TAFA1: variants seen among roughly 807,000 people sequenced by gnomAD.
The protein encoded by TAFA1 is TAFA chemokine like family member 1.
In TAFA1, 4 loss-of-function variants were observed where a neutral mutation model predicts 18.5. That is an observed-to-expected ratio of 0.22 (90% CI 0.11 to 0.49). The LOEUF (loss-of-function observed/expected upper bound fraction) is 0.49. TAFA1 is among the 20% of genes least tolerant of loss of function. The pLI, the probability that TAFA1 is intolerant of heterozygous loss-of-function variation, is 0.98. For missense variants in TAFA1, 147 were observed against 169.0 expected, an observed-to-expected ratio of 0.87 and a Z score of 0.72; for synonymous variants, 56 against 55.2, an observed-to-expected ratio of 1.01 and a Z score of -0.06.
At chr3:68,039,327 A>G (rs1008224468) in intron 2 of TAFA1, among the ~76,000 whole-genome samples, 25 of 152,198 alleles carry the variant, frequency 1.6e-4, no homozygotes, top group Non-Finnish European at 3.4e-4. Flanking sequence ...AGAATAATAC[A>G]TGAATATAAT....
chr3:68,075,722 G>C (rs2064815376), intron 2 of TAFA1, among the ~76,000 whole-genome samples: 2 of 147,374 alleles, frequency 1.4e-5, no homozygotes, highest in South Asian at 2.1e-4. Context: ...TTTTGGACAA[G>C]GTTTTGCTCT....
At chr3:68,349,711 GA>G (rs1332448953) in intron 2 of TAFA1, among the ~76,000 whole-genome samples, 1 of 152,088 alleles carries the variant, frequency 6.6e-6, no homozygotes, top group Non-Finnish European at 1.5e-5. Flanking sequence ...ATATGCAAAT[GA>G]ATGGGGGTGT....
intron 3 of TAFA1, among the ~76,000 whole-genome samples, chr3:68,531,016 C>CAACAG (rs1553700688): frequency 6.8e-6 from 1 of 147,518 alleles, no homozygotes; most frequent in Non-Finnish European, 1.5e-5. Flanking sequence ...TTAACAACAA[C>CAACAG]AACAAAACAA....
At chr3:68,406,469 A>T (rs765248358) in intron 2 of TAFA1, among the ~76,000 whole-genome samples, 2 of 152,212 alleles carry the variant, frequency 1.3e-5, no homozygotes, top group Non-Finnish European at 2.9e-5. Context: ...TAATCACAGT[A>T]GAATACAACT....
intron 3 of TAFA1, among the ~76,000 whole-genome samples, chr3:68,502,191 AG>A (rs1474668787): frequency 6.6e-6 from 1 of 152,192 alleles, no homozygotes; most frequent in East Asian, 1.9e-4. Context: ...GTTGCTTCAT[AG>A]CAAGGGCATC....
At chr3:68,385,126 C>G (rs996326191) in intron 2 of TAFA1, among the ~76,000 whole-genome samples, 4 of 152,142 alleles carry the variant, frequency 2.6e-5, no homozygotes, top group African/African-American at 9.6e-5. Context: ...CCTCGCACTC[C>G]TCATCTGTTA....
At chr3:68,083,059 G>A (rs2064924682) in intron 2 of TAFA1, among the ~76,000 whole-genome samples, 1 of 152,164 alleles carries the variant, frequency 6.6e-6, no homozygotes, top group African/African-American at 2.4e-5. Flanking sequence ...GAAGATCACA[G>A]CCTTCCATTT....
intron 2 of TAFA1, among the ~76,000 whole-genome samples, chr3:68,038,675 A>C (rs958972709): frequency 6.6e-6 from 1 of 152,204 alleles, no homozygotes; most frequent in Non-Finnish European, 1.5e-5. Context: ...TGTTAAAAAA[A>C]AAAAACTTTA....
At chr3:68,016,999 T>G (rs1704582943) in intron 2 of TAFA1, among the ~76,000 whole-genome samples, 1 of 152,232 alleles carries the variant, frequency 6.6e-6, no homozygotes, top group Non-Finnish European at 1.5e-5. Context: ...CTGAGTGTGC[T>G]GTGGTCAAGG....
At chr3:68,009,054 G>C (rs1704420648) in intron 2 of TAFA1, among the ~76,000 whole-genome samples, 1 of 152,192 alleles carries the variant, frequency 6.6e-6, no homozygotes, top group South Asian at 2.1e-4. Context: ...CCACAAGCCA[G>C]GGATGTTTGA....
chr3:68,237,800 A>G (rs1017029326), intron 2 of TAFA1, among the ~76,000 whole-genome samples: 1 of 152,200 alleles, frequency 6.6e-6, no homozygotes, highest in Non-Finnish European at 1.5e-5. Flanking sequence ...TTGGGATAGA[A>G]AGTTGCATAT....
chr3:68,144,164 G>C (rs1020822517), intron 2 of TAFA1, among the ~76,000 whole-genome samples: 4 of 152,314 alleles, frequency 2.6e-5, no homozygotes, highest in Middle Eastern at 3.4e-3. Context: ...ATCTGCTAAA[G>C]TGTGAAAAAT....
chr3:68,349,992 G>A (rs769031355), intron 2 of TAFA1, among the ~76,000 whole-genome samples: 1 of 152,066 alleles, frequency 6.6e-6, no homozygotes, highest in Non-Finnish European at 1.5e-5. Flanking sequence ...TACTTCAGTC[G>A]TTAGCAGTAT....
At chr3:68,473,382 C>T (rs746906383) in intron 3 of TAFA1, among the ~76,000 whole-genome samples, 47 of 152,100 alleles carry the variant, frequency 3.1e-4, no homozygotes, top group Non-Finnish European at 6.9e-4. Flanking sequence ...ACAGACAATC[C>T]ACAACAGATA....
At chr3:68,147,115 G>A (rs952491104) in intron 2 of TAFA1, among the ~76,000 whole-genome samples, 4 of 151,680 alleles carry the variant, frequency 2.6e-5, no homozygotes, top group African/African-American at 9.7e-5. Flanking sequence ...TCTAGCTGGG[G>A]AGAGACTGCC....
intron 3 of TAFA1, among the ~76,000 whole-genome samples, chr3:68,523,063 C>T (rs985163507): frequency 2.2e-5 from 3 of 136,368 alleles, no homozygotes; most frequent in South Asian, 2.7e-4. Context: ...GCAGCAAGAG[C>T]GAGACTCCGT....
intron 3 of TAFA1, among the ~76,000 whole-genome samples, chr3:68,455,300 G>T (rs1408551574): frequency 6.6e-6 from 1 of 151,830 alleles, no homozygotes; most frequent in Non-Finnish European, 1.5e-5. Context: ...AGGCTGGAGA[G>T]GCAGGCATAC....
At chr3:68,144,525 G>GCT (rs2065713032) in intron 2 of TAFA1, among the ~76,000 whole-genome samples, 1 of 152,172 alleles carries the variant, frequency 6.6e-6, no homozygotes, top group Non-Finnish European at 1.5e-5. Context: ...GCTATTTGTA[G>GCT]ATTTCAAAAT....
At chr3:68,329,392 G>A (rs896849004) in intron 2 of TAFA1, among the ~76,000 whole-genome samples, 1 of 151,820 alleles carries the variant, frequency 6.6e-6, no homozygotes, top group Non-Finnish European at 1.5e-5. Flanking sequence ...AATGTTAAAT[G>A]TATCATTTTG....
Sources: gnomAD v4.1 joint callset for allele counts (sites outside exome capture counted in the v4.1 genomes callset) on GRCh38, gnomAD v4.1.1 for gene constraint, MANE v1.5 for transcripts, NCBI Gene and HGNC (gene_info 2026-07-23, HGNC 2026-07-21) for gene names.